Variants in BLTP3A observed in about 807,000 individuals in gnomAD.
The protein encoded by BLTP3A is ICBP90 binding protein 1.
the BLTP3A span, among the ~76,000 whole-genome samples, chr6:34,832,049 G>A: frequency 2.0e-5 from 3 of 151,758 alleles, no homozygotes; most frequent in South Asian, 2.1e-4. Context: ...TCTTGACCTC[G>A]TGATCCACCC....
At chr6:34,872,095 A>T in the BLTP3A span, among the ~76,000 whole-genome samples, 1 of 152,156 alleles carries the variant, frequency 6.6e-6, no homozygotes, top group Non-Finnish European at 1.5e-5. Flanking sequence ...TAGAGGATAA[A>T]TGTCAGGAGC....
the BLTP3A span, chr6:34,821,929 A>G: frequency 6.2e-7 from 1 of 1,614,214 alleles, no homozygotes; most frequent in South Asian, 1.1e-5. Context: ...CCAGTGGACA[A>G]AGTTGAAGAC....
the BLTP3A span, among the ~76,000 whole-genome samples, chr6:34,792,622 A>G: frequency 6.6e-6 from 1 of 151,898 alleles, no homozygotes. Context: ...CACACCTCCA[A>G]GCAGGTCACC....
At chr6:34,821,643 C>T in the BLTP3A span, 4 of 1,600,242 alleles carry the variant, frequency 2.5e-6, no homozygotes, top group East Asian at 2.2e-5. Context: ...CTTATCATTA[C>T]TCTTTTCAGG....
the BLTP3A span, among the ~76,000 whole-genome samples, chr6:34,828,934 G>A: frequency 6.9e-6 from 1 of 144,832 alleles, no homozygotes; most frequent in East Asian, 2.0e-4. Context: ...GGCTGAGGCA[G>A]GAGAATTGCT....
At chr6:34,859,903 C>T in the BLTP3A span, among the ~76,000 whole-genome samples, 2 of 152,044 alleles carry the variant, frequency 1.3e-5, no homozygotes, top group African/African-American at 4.8e-5. Flanking sequence ...CCACTGTACC[C>T]AGCTTGCTTC....
At chr6:34,877,182 AG>A in the BLTP3A span, 1 of 152,628 alleles carries the variant, frequency 6.6e-6, no homozygotes, top group Non-Finnish European at 1.5e-5. Flanking sequence ...TCCCCCACTG[AG>A]GGTGCTAAAG....
the BLTP3A span, among the ~76,000 whole-genome samples, chr6:34,870,662 C>T: frequency 2.0e-5 from 3 of 152,162 alleles, no homozygotes; most frequent in Non-Finnish European, 4.4e-5. Context: ...ATCAGACTGC[C>T]TGGGTTCAGA....
At chr6:34,856,776 T>G in the BLTP3A span, 153 of 1,608,206 alleles carry the variant, frequency 9.5e-5, 1 homozygote, top group Middle Eastern at 1.7e-4. Context: ...TTTTCCCACC[T>G]TATTTTTATT....
At chr6:34,801,088 C>T in the BLTP3A span, among the ~76,000 whole-genome samples, 11 of 152,144 alleles carry the variant, frequency 7.2e-5, no homozygotes, top group Non-Finnish European at 1.3e-4. Context: ...TTTCATTTGC[C>T]TACACAGCAA....
the BLTP3A span, among the ~76,000 whole-genome samples, chr6:34,799,971 T>C: frequency 6.6e-6 from 1 of 152,308 alleles, no homozygotes; most frequent in African/African-American, 2.4e-5. Flanking sequence ...TTTAGACATT[T>C]AGATATTTGG....
the BLTP3A span, among the ~76,000 whole-genome samples, chr6:34,803,976 G>A: frequency 2.0e-3 from 310 of 152,050 alleles, 2 homozygotes; most frequent in African/African-American, 7.1e-3. Flanking sequence ...TGCAGTTGAG[G>A]AACACATTTC....
chr6:34,798,197 G>C, the BLTP3A span, among the ~76,000 whole-genome samples: 32 of 152,270 alleles, frequency 2.1e-4, no homozygotes, highest in Admixed American at 6.5e-4. Flanking sequence ...AGATTTGTGA[G>C]ATTAATCCAT....
At chr6:34,844,578 T>C in the BLTP3A span, among the ~76,000 whole-genome samples, 1 of 152,198 alleles carries the variant, frequency 6.6e-6, no homozygotes, top group Non-Finnish European at 1.5e-5. Context: ...CCCAGCCTCA[T>C]TGTAGTTTTG....
chr6:34,870,911 G>T, the BLTP3A span: 3 of 1,614,200 alleles, frequency 1.9e-6, no homozygotes, highest in Non-Finnish European at 2.5e-6. Flanking sequence ...CCAGCTGTGG[G>T]CCTTCGCTTT....
chr6:34,847,928 T>TTTTTTTTTA, the BLTP3A span, among the ~76,000 whole-genome samples: 4 of 134,634 alleles, frequency 3.0e-5, no homozygotes, highest in African/African-American at 1.2e-4. Flanking sequence ...TTCCTTTTTT[T>TTTTTTTTTA]TTTTTTTTTT....
At chr6:34,838,828 C>G in the BLTP3A span, among the ~76,000 whole-genome samples, 1 of 152,206 alleles carries the variant, frequency 6.6e-6, no homozygotes, top group Non-Finnish European at 1.5e-5. Context: ...CCCGTAGTCC[C>G]AGCCACTCAG....
At chr6:34,821,897 A>T in the BLTP3A span, 3 of 1,614,218 alleles carry the variant, frequency 1.9e-6, no homozygotes, top group Non-Finnish European at 2.5e-6. Flanking sequence ...CAGCCCTGAG[A>T]CTTTGCTTTC....
the BLTP3A span, chr6:34,872,278 C>G: frequency 6.3e-7 from 1 of 1,580,456 alleles, no homozygotes; most frequent in Non-Finnish European, 8.6e-7. Flanking sequence ...GATGGTATTA[C>G]CGTATTTAAC....
Sources: gnomAD v4.1 joint callset for allele counts (sites outside exome capture counted in the v4.1 genomes callset) on GRCh38, gnomAD v4.1.1 for gene constraint, MANE v1.5 for transcripts, NCBI Gene and HGNC (gene_info 2026-07-23, HGNC 2026-07-21) for gene names.